The following HERC2 variants were observed in gnomAD, a reference collection of about 807,000 sequenced individuals.
HERC2 encodes the protein E3 ubiquitin-protein ligase HERC2.
HERC2 carries 102 observed loss-of-function variants against 537.7 expected under a neutral mutation model. The observed-to-expected ratio is 0.19, with a 90% CI of 0.16 to 0.22. HERC2 has a LOEUF of 0.22. Ranked by LOEUF, HERC2 falls within the 10% of genes least tolerant of loss-of-function variation. HERC2 has a pLI of 1.00. For synonymous variants in HERC2, 2,224 were observed against 2,466.2 expected (o/e 0.90, Z 2.91); for missense variants, 4,236 against 6,198.2 (o/e 0.68, Z 10.63).
At chr15:28,301,862 C>T (rs866726883) in intron 2 of HERC2, among the ~76,000 whole-genome samples, 7 of 137,394 alleles carry the variant, frequency 5.1e-5, no homozygotes, top group Non-Finnish European at 9.2e-5. Context: ...TGCAGTTGTG[C>T]GATCTCAGCT....
At chr15:28,154,558 C>T (rs1416964176) in intron 69 of HERC2, among the ~76,000 whole-genome samples, 3 of 152,296 alleles carry the variant, frequency 2.0e-5, no homozygotes, top group Middle Eastern at 3.4e-3. Context: ...CTCTGCCAAG[C>T]ACATCATCTG....
At chr15:28,208,947 A>C (rs1898796987) in intron 44 of HERC2, among the ~76,000 whole-genome samples, 1 of 152,260 alleles carries the variant, frequency 6.6e-6, no homozygotes, top group Non-Finnish European at 1.5e-5. Context: ...TTCCCCGAAA[A>C]GACTTAGCAT....
At chr15:28,154,672 G>C (rs998609578) in intron 69 of HERC2, among the ~76,000 whole-genome samples, 8 of 152,154 alleles carry the variant, frequency 5.3e-5, no homozygotes, top group African/African-American at 1.9e-4. Flanking sequence ...TAACCTCTCA[G>C]CCTCAGTTTC....
chr15:28,112,119 C>CAAAACCATATTTTTTGCTA lies in HERC2; in HGVS notation c.14233-103_14233-85dup. The CAAAACCATATTTTTTGCTA allele has an allele frequency of 3.7e-6, 5 of 1,343,658 alleles. No individual in the cohort carries two copies. In the South Asian group the frequency reaches 6.7e-5, roughly 18 times the overall value. The allele number at this position is 1,343,658 out of a possible 1,614,324, so 83.2% of individuals were successfully genotyped here. On this transcript the variant is annotated intron_variant, in intron 92 of 92. Transcript: ENST00000261609. ...GTGCTCATTAGACTCTTCGTGCTCACAAAACCATATTTTTTGCTAAGAACA... is the reference window on the plus strand; with the variant it reads ...GTGCTCATTAGACTCTTCGTGCTCACAAAACCATATTTTTTGCTAAAAACCATATTTTTTGCTAAGAACA...
intron 48 of HERC2, among the ~76,000 whole-genome samples, chr15:28,201,123 G>A (rs1025586508): frequency 6.6e-6 from 1 of 151,158 alleles, no homozygotes; most frequent in African/African-American, 2.4e-5. Context: ...CACCGGGGCA[G>A]CCACAGCAGC....
At position 28,228,506 on chromosome 15, in the gene HERC2, T is replaced by C; in HGVS notation, c.5273-97A>G. On this transcript the variant is annotated intron_variant, in intron 34 of 92. Transcript: ENST00000261609. Reference sequence around the variant, plus strand: ...GCGATTACTCTAAACATCTGACTATTTTGAAACCCACTGACATTTCTTCTG... The same window carrying C: ...GCGATTACTCTAAACATCTGACTATCTTGAAACCCACTGACATTTCTTCTG... The C allele has an allele frequency of 1.8e-6, 2 of 1,114,920 alleles. 1 individual carries two copies. Among genetic ancestry groups the C allele is most frequent in the South Asian group, 3.0e-5 (2 of 66,748 alleles). The allele number at this position is 1,114,920 out of a possible 1,614,324, so 69.1% of individuals were successfully genotyped here. A position where few individuals can be genotyped will look rare whatever the true frequency, so the allele number is the denominator to read the frequency against.
chr15:28,263,324 T>C (rs1274486506), intron 14 of HERC2, among the ~76,000 whole-genome samples, 155 bp from the exon 15 acceptor site: 1 of 152,236 alleles, frequency 6.6e-6, no homozygotes, highest in Non-Finnish European at 1.5e-5. Context: ...AAACGAAATC[T>C]AGGTGACACT....
intron 38 of HERC2, among the ~76,000 whole-genome samples, chr15:28,217,141 C>G (rs1412949702): frequency 6.6e-6 from 1 of 152,248 alleles, no homozygotes; most frequent in Non-Finnish European, 1.5e-5. Flanking sequence ...CTTCCTCACA[C>G]TCACCAACCC....
rs1176946946 is a variant in HERC2, at chr15:28,124,066, G to A, written c.13159C>T (p.Leu4387Phe). 1 of 1,599,558 alleles carries A rather than the reference G, an allele frequency of 6.3e-7. No homozygotes were observed. Among genetic ancestry groups the A allele is most frequent in the Non-Finnish European group, 8.5e-7 (1 of 1,173,130 alleles). The change falls in exon 85 of 93, where the codon CTC becomes TTC. Residue 4387 changes from leucine to phenylalanine, a missense_variant. By Grantham distance (22) the Leu-to-Phe change is conservative (BLOSUM62 0). Around this residue, in one of 27 missense-constraint regions of HERC2, gnomAD observed 189 missense variants for 255.7 expected, o/e 0.74. Coordinates refer to ENST00000261609, the MANE Select transcript of HERC2 (RefSeq NM_004667.6). ...CCCTGGGATATCAGAATTCCTCGGA[G>A]AGTGTCGAACCCAACAGAAGGCCCG... ...GLGPSVGFDT[L>F]RGILISQGKE...
chr15:28,259,283 A>G (rs1243193888), intron 16 of HERC2, among the ~76,000 whole-genome samples: 2 of 151,812 alleles, frequency 1.3e-5, no homozygotes, highest in Non-Finnish European at 2.9e-5. Flanking sequence ...TTTAGTAGAA[A>G]CAGGTTTCAC....
At position 28,229,835 on chromosome 15, in the gene HERC2, G is replaced by A. The variant is rs1322647085; in HGVS notation, c.4822C>T (p.Pro1608Ser). 2 of 1,274,478 alleles carry A rather than the reference G, an allele frequency of 1.6e-6. No individual in the cohort carries two copies. Among genetic ancestry groups the A allele is most frequent in the Admixed American group, 3.4e-5 (2 of 58,490 alleles). 78.9% of individuals were successfully genotyped at this position (1,274,478 alleles called of 1,614,324 possible). Reference sequence around the variant, plus strand: ...ACACCTGTAACAGTACTCAACAGCGGCTGCCATTTGTCCTAACAAAGGAAA... The same window carrying A: ...ACACCTGTAACAGTACTCAACAGCGACTGCCATTTGTCCTAACAAAGGAAA... ...AIKSPKDKWQ[P>S]LLSTVTGVHK... The change falls in exon 32 of 93, where the codon CCG becomes TCG. Residue 1608 changes from proline (P) to serine (S), a missense_variant. Around this residue, in one of 27 missense-constraint regions of HERC2, gnomAD observed 343 missense variants for 417.2 expected, o/e 0.82. Coordinates refer to ENST00000261609, the MANE Select transcript of HERC2 (RefSeq NM_004667.6).
chr15:28,198,244 G>T, intron 50 of HERC2, 134 bp downstream of exon 50: 3 of 1,029,318 alleles, frequency 2.9e-6, no homozygotes, highest in Non-Finnish European at 4.3e-6. Flanking sequence ...AGAAGGCACT[G>T]ACAAGCAAAG....
intron 23 of HERC2, among the ~76,000 whole-genome samples, chr15:28,245,660 T>TACAC (rs10594927): frequency 6.7e-6 from 1 of 150,304 alleles, no homozygotes; most frequent in African/African-American, 2.5e-5. Context: ...CACTCATATA[T>TACAC]ACACACACAC....
intron 69 of HERC2, among the ~76,000 whole-genome samples, chr15:28,157,679 T>C: frequency 6.6e-6 from 1 of 152,224 alleles, no homozygotes; most frequent in East Asian, 1.9e-4. Flanking sequence ...TGTTGATCTT[T>C]TCAAAAAACC....
rs201078187 is a variant in HERC2, at chr15:28,119,399, C to CA, written c.13272+1946dup. 3.8e-4 allele frequency among the ~76,000 whole-genome samples: 51 copies of CA among 133,942 alleles called. 2 individuals are homozygous for CA. The highest frequency in any genetic ancestry group is 2.7e-3 in the South Asian group (11 of 4,120). The allele number at this position is 133,942 out of a possible 152,430, so 87.9% of individuals were successfully genotyped here. ...TGGGCGACAGAACAAGACTCCCTCT[C>CA]AAAAAAAAAAAAAAAAAAAAAAAAA... On this transcript the variant is annotated intron_variant, in intron 86 of 92. Coordinates refer to ENST00000261609, the MANE Select transcript of HERC2 (RefSeq NM_004667.6).
intron 44 of HERC2, among the ~76,000 whole-genome samples, chr15:28,207,489 C>T (rs1350404308): frequency 3.3e-5 from 5 of 152,212 alleles, no homozygotes; most frequent in South Asian, 4.1e-4. Flanking sequence ...GACACAGACA[C>T]ATCCCACGTG....
Position 28,156,195 on chromosome 15 carries a change from G to A in HERC2, c.10747-3365C>T, listed in dbSNP as rs138027454. Among the ~76,000 whole-genome samples the A allele has an allele frequency of 4.6e-3, 706 of 152,296 alleles. 6 individuals are homozygous for A. The highest frequency in any genetic ancestry group is 0.014 in the African/African-American group (594 of 41,568). On this transcript the variant is annotated intron_variant, in intron 69 of 92. Transcript: ENST00000261609. ...GTAGTATAGTTTGAGGTCAGGTAGC[G>A]TGATGCCTCCAGCTTTGTTCTTTTG...
At position 28,111,797 on chromosome 15, in the gene HERC2, G is replaced by A. The variant is rs897197263; in HGVS notation, c.14471C>T (p.Ser4824Leu). 1.4e-5 allele frequency: 23 copies of A among 1,614,102 alleles called. No homozygotes were observed. Among genetic ancestry groups the A allele is most frequent in the Non-Finnish European group, 1.8e-5 (21 of 1,180,052 alleles). Residue 4824 changes from serine (S) to leucine (L), a missense_variant, in exon 93 of 93, where the codon TCG becomes TTG. Ser to Leu is a moderately radical substitution (Grantham distance 145). Coordinates refer to ENST00000261609, the MANE Select transcript of HERC2 (RefSeq NM_004667.6). Reference sequence around the variant, plus strand: ...TGTTAAATAATCTTGTGTAGAGTCCGAAGCAAAGGAGTCGACATCCTCGTT... The same window carrying A: ...TGTTAAATAATCTTGTGTAGAGTCCAAAGCAAAGGAGTCGACATCCTCGTT... ...SDNEDVDSFA[S>L]DSTQDYLTGH
At chr15:28,174,151 A>C (rs1258696395) in intron 65 of HERC2, among the ~76,000 whole-genome samples, 2 of 152,284 alleles carry the variant, frequency 1.3e-5, no homozygotes, top group African/African-American at 4.8e-5. Context: ...GTTCACACAG[A>C]AGGACAGCGC....
Sources: gnomAD v4.1 joint callset for allele counts (sites outside exome capture counted in the v4.1 genomes callset) on GRCh38, gnomAD v4.1.1 for gene constraint, gnomAD v4.1.1 regional missense constraint, MANE v1.5 for transcripts, NCBI Gene and HGNC (gene_info 2026-07-23, HGNC 2026-07-21) for gene names.